The following KCNIP4 variants were observed in gnomAD, a reference collection of about 807,000 sequenced individuals.
KCNIP4 encodes potassium voltage-gated channel interacting protein 4.
In KCNIP4, 12 loss-of-function variants were observed where a neutral mutation model predicts 34.0. The observed-to-expected ratio is 0.35, with a 90% CI of 0.23 to 0.57. KCNIP4 has a LOEUF of 0.57. Among genes scored for constraint, KCNIP4 ranks in the 20% least tolerant of loss-of-function variants. The pLI, the probability that KCNIP4 is intolerant of heterozygous loss-of-function variation, is 0.83. For synonymous variants in KCNIP4, 124 were observed against 102.2 expected, an observed-to-expected ratio of 1.21 and a Z score of -1.29; for missense variants, 238 against 311.7, an observed-to-expected ratio of 0.76 and a Z score of 1.78.
chr4:20,984,855 C>T (rs1736429100), intron 1 of KCNIP4, among the ~76,000 whole-genome samples: 1 of 152,190 alleles, frequency 6.6e-6, no homozygotes, highest in African/African-American at 2.4e-5. Context: ...ATGATAAAAA[C>T]AACCTGGGGT....
At chr4:20,796,209 T>C (rs1405488502) in intron 3 of KCNIP4, among the ~76,000 whole-genome samples, 1 of 152,232 alleles carries the variant, frequency 6.6e-6, no homozygotes, top group Admixed American at 6.5e-5. Context: ...ATTAAGTTAA[T>C]ATTTACTCTG....
intron 1 of KCNIP4, among the ~76,000 whole-genome samples, chr4:20,908,452 T>A (rs1728008989): frequency 6.6e-6 from 1 of 152,208 alleles, no homozygotes; most frequent in African/African-American, 2.4e-5. Context: ...ATTACACACA[T>A]CTTAAACTAT....
At chr4:20,798,504 C>T (rs1319116865) in intron 3 of KCNIP4, among the ~76,000 whole-genome samples, 3 of 151,664 alleles carry the variant, frequency 2.0e-5, no homozygotes, top group African/African-American at 7.3e-5. Context: ...CTACCACACA[C>T]ACACACACAG....
At chr4:21,457,534 A>G (rs962325758) in intron 1 of KCNIP4, among the ~76,000 whole-genome samples, 1 of 152,008 alleles carries the variant, frequency 6.6e-6, no homozygotes, top group African/African-American at 2.4e-5. Flanking sequence ...CCTCTTAATA[A>G]CATAGCTCTT....
chr4:21,469,354 T>C (rs959000896), intron 1 of KCNIP4, among the ~76,000 whole-genome samples: 2 of 152,166 alleles, frequency 1.3e-5, no homozygotes, highest in African/African-American at 2.4e-5. Context: ...CCAATATACA[T>C]TATTTTTATC....
At chr4:21,598,055 C>A (rs1236723079) in intron 1 of KCNIP4, among the ~76,000 whole-genome samples, 2 of 152,052 alleles carry the variant, frequency 1.3e-5, no homozygotes, top group African/African-American at 4.8e-5. Context: ...GCTGTAAAAT[C>A]ACTAGTCAGC....
chr4:21,734,082 A>G (rs959417339), intron 1 of KCNIP4, among the ~76,000 whole-genome samples: 1 of 152,198 alleles, frequency 6.6e-6, no homozygotes, highest in African/African-American at 2.4e-5. Context: ...CCTTTTATGT[A>G]CATTCTCCAA....
intron 5 of KCNIP4, among the ~76,000 whole-genome samples, chr4:20,738,576 C>G (rs1750266231): frequency 6.6e-6 from 1 of 152,202 alleles, no homozygotes; most frequent in African/African-American, 2.4e-5. Context: ...CCACACAAAA[C>G]AGCAGAGAAA....
chr4:21,068,561 G>A (rs987287007), intron 1 of KCNIP4, among the ~76,000 whole-genome samples: 4 of 152,074 alleles, frequency 2.6e-5, no homozygotes, highest in East Asian at 1.9e-4. Flanking sequence ...TAGGGTGTGT[G>A]CACTGATTGT....
chr4:20,841,204 A>G (rs1460590132), intron 3 of KCNIP4, among the ~76,000 whole-genome samples: 1 of 152,224 alleles, frequency 6.6e-6, no homozygotes, highest in African/African-American at 2.4e-5. Context: ...GTGAGAGAAG[A>G]TAAAAATTTT....
chr4:21,313,014 TAAA>T (rs1345827335), intron 1 of KCNIP4, among the ~76,000 whole-genome samples: 1 of 152,208 alleles, frequency 6.6e-6, no homozygotes, highest in African/African-American at 2.4e-5. Flanking sequence ...TGAGATCTAA[TAAA>T]AAGCAAAACA....
intron 1 of KCNIP4, among the ~76,000 whole-genome samples, chr4:20,909,247 G>A (rs1307712604): frequency 2.6e-5 from 4 of 152,178 alleles, no homozygotes; most frequent in Middle Eastern, 3.4e-3. Flanking sequence ...TTTTACTTTC[G>A]TGTTTTTCTG....
At position 21,267,197 on chromosome 4, in the gene KCNIP4, G is replaced by T. The variant is rs1302190621; in HGVS notation, c.62-384488C>A. On this transcript the variant is annotated intron_variant, in intron 1 of 8. Coordinates refer to ENST00000382152, the MANE Select transcript of KCNIP4 (RefSeq NM_025221.6). ...GTTGTTAAAATTTGTCCAGCTAGAA[G>T]AATATTCATAGTGACAGTCCTCTAC... Among the ~76,000 whole-genome samples, 7 of 152,160 alleles carry T rather than the reference G, an allele frequency of 4.6e-5. No individual in the cohort carries two copies. In the East Asian group the frequency reaches 9.6e-4, roughly 21 times the overall value.
chr4:21,628,874 C>T (rs1401656506), intron 1 of KCNIP4, among the ~76,000 whole-genome samples: 1 of 152,146 alleles, frequency 6.6e-6, no homozygotes, highest in Non-Finnish European at 1.5e-5. Context: ...AGTTTATACA[C>T]CTTTCCCATA....
In KCNIP4 at chr4:20,975,418, A is replaced by T. The variant is rs114965223; in HGVS notation, c.62-92709T>A. On this transcript the variant is annotated intron_variant, in intron 1 of 8. Coordinates refer to ENST00000382152, the MANE Select transcript of KCNIP4 (RefSeq NM_025221.6). ...TTCTCTAAGAGACAATAATACCGAAAATGAAAACCAATAGGACAGGGCACT... is the reference window on the plus strand; with the variant it reads ...TTCTCTAAGAGACAATAATACCGAATATGAAAACCAATAGGACAGGGCACT... Among the ~76,000 whole-genome samples, 1,149 of 152,324 alleles carry T rather than the reference A, an allele frequency of 7.5e-3. 15 individuals carry two copies. Among genetic ancestry groups the T allele is most frequent in the African/African-American group, 0.026 (1,070 of 41,562 alleles).
chr4:20,770,490 G>A (rs1008435539), intron 3 of KCNIP4, among the ~76,000 whole-genome samples: 3 of 149,014 alleles, frequency 2.0e-5, no homozygotes, highest in Non-Finnish European at 3.0e-5. Flanking sequence ...AAAAAATACC[G>A]AGTAAAGAAT....
At chr4:21,430,869 G>A (rs1224476305) in intron 1 of KCNIP4, among the ~76,000 whole-genome samples, 1 of 151,812 alleles carries the variant, frequency 6.6e-6, no homozygotes, top group Non-Finnish European at 1.5e-5. Flanking sequence ...TGGAATACGA[G>A]TGTGGAGCCA....
At chr4:21,756,949 T>C (rs1717570273) in intron 1 of KCNIP4, among the ~76,000 whole-genome samples, 1 of 151,316 alleles carries the variant, frequency 6.6e-6, no homozygotes, top group South Asian at 2.1e-4. Flanking sequence ...ATACAAAAAT[T>C]AGCCAGGTGT....
Position 21,217,997 on chromosome 4 carries a change from TTAAA to T in KCNIP4, c.62-335292_62-335289del, listed in dbSNP as rs1270076555. Among the ~76,000 whole-genome samples, 78 of 150,162 alleles carry T rather than the reference TTAAA, an allele frequency of 5.2e-4. 1 individual carries two copies. Among genetic ancestry groups the T allele is most frequent in the African/African-American group, 1.9e-3 (78 of 41,110 alleles). On this transcript the variant is annotated intron_variant, in intron 1 of 8. Transcript: ENST00000382152. Reference sequence around the variant, plus strand: ...CCATCCCCCTGTATAGTTTTTTTTTTTAAATTTATTTATTTATTTATTATTATTA... The same window carrying T: ...CCATCCCCCTGTATAGTTTTTTTTTTTTTATTTATTTATTTATTATTATTA...
Sources: gnomAD v4.1 joint callset for allele counts (sites outside exome capture counted in the v4.1 genomes callset) on GRCh38, gnomAD v4.1.1 for gene constraint, MANE v1.5 for transcripts, NCBI Gene and HGNC (gene_info 2026-07-23, HGNC 2026-07-21) for gene names.